Variants in PGM2L1 observed in about 807,000 individuals in gnomAD.
PGM2L1 encodes phosphoglucomutase 2 like 1, also known as glucose 1,6-bisphosphate synthase.
PGM2L1 carries 35 observed loss-of-function variants against 73.4 expected under a neutral mutation model. The ratio of observed to expected loss-of-function variants is 0.48; its 90% CI spans 0.36 to 0.63. The LOEUF (loss-of-function observed/expected upper bound fraction) is 0.63, where lower values mean the gene tolerates loss of function less well. Ranked by LOEUF, PGM2L1 falls within the 30% of genes least tolerant of loss-of-function variation. PGM2L1 has a pLI of 0.00. For missense variants in PGM2L1, 570 were observed against 742.0 expected (o/e 0.77, Z 2.69); for synonymous variants, 225 against 253.8 (o/e 0.89, Z 1.08).
chr11:74,349,305 A>T (rs1178160444), intron 6 of PGM2L1, among the ~76,000 whole-genome samples: 1 of 152,194 alleles, frequency 6.6e-6, no homozygotes, highest in East Asian at 1.9e-4. Context: ...AGCAACTCCC[A>T]AAGGTGACCA....
At chr11:74,375,243 A>G (rs925268773) in intron 1 of PGM2L1, among the ~76,000 whole-genome samples, 1 of 152,242 alleles carries the variant, frequency 6.6e-6, no homozygotes, top group Non-Finnish European at 1.5e-5. Context: ...AATTCATTCC[A>G]AACACGGTTT....
chr11:74,352,905 G>T (rs1862379699), intron 5 of PGM2L1, among the ~76,000 whole-genome samples: 1 of 152,086 alleles, frequency 6.6e-6, no homozygotes, highest in Non-Finnish European at 1.5e-5. Flanking sequence ...TAGGGAGTTG[G>T]AACTGAGACC....
intron 5 of PGM2L1, among the ~76,000 whole-genome samples, chr11:74,365,665 C>T (rs1862644048): frequency 1.3e-5 from 2 of 152,256 alleles, no homozygotes; most frequent in South Asian, 2.1e-4. Flanking sequence ...CAATGAGATA[C>T]CATCTCACAC....
At chr11:74,368,995 T>C (rs1208718749) in intron 4 of PGM2L1, among the ~76,000 whole-genome samples, 1 of 152,190 alleles carries the variant, frequency 6.6e-6, no homozygotes, top group Admixed American at 6.5e-5. Context: ...ACTGATACTA[T>C]GCTTTTGTTA....
intron 5 of PGM2L1, among the ~76,000 whole-genome samples, chr11:74,364,417 G>A (rs1424132293): frequency 6.6e-6 from 1 of 152,202 alleles, no homozygotes; most frequent in Admixed American, 6.5e-5. Flanking sequence ...AAAAGAAGAA[G>A]TCAAATTGTC....
chr11:74,332,819 T>A lies in PGM2L1; in HGVS notation c.*3833A>T, dbSNP rs1862034542. ...TCCAATCTCTTAGAACCTCTCCATC[T>A]GCTAACGTATCTACATCAAAATAAC... is the stretch of plus-strand genomic sequence containing the variant. On this transcript the variant is annotated 3_prime_UTR_variant, in exon 14 of 14. Coordinates refer to ENST00000298198, the MANE Select transcript of PGM2L1 (RefSeq NM_173582.6). 1 of 152,568 alleles carries A rather than the reference T, an allele frequency of 6.6e-6. No individual in the cohort carries two copies. The highest frequency in any genetic ancestry group is 2.1e-4 in the South Asian group (1 of 4,832). The allele number at this position is 152,568 out of a possible 1,614,324, so 9.5% of individuals were successfully genotyped here.
chr11:74,339,142 A>G (rs1388872730), intron 12 of PGM2L1, among the ~76,000 whole-genome samples: 5 of 152,166 alleles, frequency 3.3e-5, no homozygotes, highest in Non-Finnish European at 7.3e-5. Context: ...AAGACAATCA[A>G]CTAAGTGGTA....
intron 1 of PGM2L1, among the ~76,000 whole-genome samples, chr11:74,390,756 G>C (rs1156864737): frequency 1.3e-5 from 2 of 152,142 alleles, no homozygotes; most frequent in African/African-American, 4.8e-5. Flanking sequence ...AAAATAACTT[G>C]ATAACATGTA....
chr11:74,397,778 A>C, intron 1 of PGM2L1: 2 of 283,408 alleles, frequency 7.1e-6, no homozygotes, highest in Admixed American at 5.8e-5. Context: ...GAAAGAGGGA[A>C]GACAGCACTT....
intron 5 of PGM2L1, among the ~76,000 whole-genome samples, chr11:74,356,890 A>G (rs1249452290): frequency 2.0e-5 from 3 of 152,076 alleles, no homozygotes; most frequent in Middle Eastern, 3.4e-3. Context: ...CTGGAGTGCA[A>G]TGGTGCAGTC....
At chr11:74,357,698 C>G (rs10898980) in intron 5 of PGM2L1, among the ~76,000 whole-genome samples, 24,337 of 152,208 alleles carry the variant, frequency 0.16, 2,177 homozygotes, top group East Asian at 0.28. Flanking sequence ...GGAATGAAGA[C>G]TTATGTCCAT....
intron 1 of PGM2L1, among the ~76,000 whole-genome samples, chr11:74,389,130 T>C (rs1473905367): frequency 6.6e-6 from 1 of 152,186 alleles, no homozygotes; most frequent in Non-Finnish European, 1.5e-5. Context: ...CCAGGTGTGA[T>C]GGCTTGTGCC....
chr11:74,354,331 T>A, intron 5 of PGM2L1: 1 of 526,658 alleles, frequency 1.9e-6, no homozygotes, highest in Non-Finnish European at 3.3e-6. Flanking sequence ...GGAATAAATG[T>A]TAAAAAATGT....
chr11:74,337,065 TACCA>T (rs1469554227), intron 13 of PGM2L1, among the ~76,000 whole-genome samples: 31 of 152,266 alleles, frequency 2.0e-4, no homozygotes, highest in African/African-American at 7.0e-4. Flanking sequence ...TGAACACAAA[TACCA>T]GGTGTTAGGA....
intron 4 of PGM2L1, among the ~76,000 whole-genome samples, chr11:74,370,195 T>C (rs1862731050): frequency 6.6e-6 from 1 of 152,206 alleles, no homozygotes; most frequent in Non-Finnish European, 1.5e-5. Context: ...AGAGTGTTTT[T>C]AATGTTTTGG....
chr11:74,355,529 G>C (rs549075681), intron 5 of PGM2L1: 61 of 279,702 alleles, frequency 2.2e-4, no homozygotes, highest in African/African-American at 1.5e-3. Context: ...ACTCCAGCCT[G>C]GGCGACAGAG....
chr11:74,396,270 A>T (rs1211771560), intron 1 of PGM2L1, among the ~76,000 whole-genome samples: 1 of 13,004 alleles, frequency 7.7e-5, no homozygotes, highest in African/African-American at 2.1e-4. Flanking sequence ...CCTGTTTAAA[A>T]AAAAAAAAAA....
intron 5 of PGM2L1, chr11:74,354,880 G>A (rs1311913293): frequency 3.5e-6 from 3 of 857,760 alleles, no homozygotes; most frequent in Non-Finnish European, 5.9e-6. Context: ...GGCAGGAAAA[G>A]GGGCTTTGTC....
intron 1 of PGM2L1, among the ~76,000 whole-genome samples, chr11:74,382,752 A>G (rs1015692131): frequency 1.8e-4 from 27 of 151,820 alleles, no homozygotes; most frequent in Admixed American, 1.2e-3. Context: ...TCCCGCCTCA[A>G]CCTCCCAAAG....
Sources: allele counts gnomAD v4.1 joint callset (sites outside exome capture counted in the v4.1 genomes callset), GRCh38; gene constraint gnomAD v4.1.1; transcripts MANE v1.5; gene names NCBI Gene and HGNC (gene_info 2026-07-23, HGNC 2026-07-21).